Variants in CDH12 observed in about 807,000 individuals in gnomAD.
The protein encoded by CDH12 is cadherin 12.
In CDH12, 41 loss-of-function variants were observed where a neutral mutation model predicts 74.1. That is an observed-to-expected ratio of 0.55 (90% CI 0.43 to 0.72). The LOEUF (loss-of-function observed/expected upper bound fraction) is 0.72, where lower values mean the gene tolerates loss of function less well. CDH12 is among the 30% of genes least tolerant of loss of function. The pLI is 0.00. For synonymous variants in CDH12, 399 were observed against 355.0 expected (o/e 1.12, Z -1.39); for missense variants, 945 against 977.2 (o/e 0.97, Z 0.44).
At chr5:21,805,487 T>C (rs1234801746) in intron 9 of CDH12, among the ~76,000 whole-genome samples, 1 of 152,126 alleles carries the variant, frequency 6.6e-6, no homozygotes, top group Non-Finnish European at 1.5e-5. Context: ...CATACAGATT[T>C]TTTGCAACTG....
At chr5:22,525,240 T>C (rs1337209332) in intron 1 of CDH12, among the ~76,000 whole-genome samples, 4 of 152,132 alleles carry the variant, frequency 2.6e-5, no homozygotes, top group Non-Finnish European at 5.9e-5. Flanking sequence ...TCCAAGTCTT[T>C]GCTATTGTGA....
At chr5:22,596,405 C>T (rs1213022708) in intron 1 of CDH12, among the ~76,000 whole-genome samples, 1 of 152,138 alleles carries the variant, frequency 6.6e-6, no homozygotes, top group Non-Finnish European at 1.5e-5. Flanking sequence ...GGCGCCACTG[C>T]ACTCCAGCCT....
At chr5:22,200,671 A>C (rs1234729179) in intron 4 of CDH12, among the ~76,000 whole-genome samples, 2 of 152,198 alleles carry the variant, frequency 1.3e-5, no homozygotes, top group Non-Finnish European at 2.9e-5. Context: ...ACATTTCATC[A>C]AGGGGACGTA....
intron 6 of CDH12, among the ~76,000 whole-genome samples, chr5:21,925,953 A>G (rs1455270418): frequency 6.7e-6 from 1 of 149,236 alleles, no homozygotes; most frequent in Non-Finnish European, 1.5e-5. Context: ...AAAAAAAAAG[A>G]AATGATTTCT....
At chr5:22,765,350 A>G (rs1225326507) in intron 1 of CDH12, among the ~76,000 whole-genome samples, 1 of 151,982 alleles carries the variant, frequency 6.6e-6, no homozygotes, top group East Asian at 1.9e-4. Flanking sequence ...TGGTTGTAGC[A>G]GATAATGATA....
intron 3 of CDH12, among the ~76,000 whole-genome samples, chr5:22,390,564 G>T (rs1742198185): frequency 7.2e-6 from 1 of 139,182 alleles, no homozygotes; most frequent in East Asian, 2.0e-4. Flanking sequence ...TTGATTACAT[G>T]GATGGATGGA....
intron 3 of CDH12, among the ~76,000 whole-genome samples, chr5:22,357,894 A>G (rs935356103): frequency 2.0e-5 from 3 of 152,198 alleles, no homozygotes; most frequent in African/African-American, 7.2e-5. Flanking sequence ...TTAAAAATGC[A>G]TGATTCCTTG....
intron 3 of CDH12, among the ~76,000 whole-genome samples, chr5:22,278,916 T>A (rs1018055210): frequency 6.6e-6 from 1 of 152,182 alleles, no homozygotes; most frequent in Non-Finnish European, 1.5e-5. Flanking sequence ...ATTCACAAGG[T>A]CTTTGAATAA....
At position 22,670,347 on chromosome 5, in the gene CDH12, C is replaced by T. The variant is rs190844275; in HGVS notation, c.-522-164983G>A. ...GTAGTTCTTTAAAGCCTGTTTTCAT[C>T]GGAATAAGATTTTATGATTACAAAA... On this transcript the variant is annotated intron_variant, in intron 1 of 14. Transcript: ENST00000382254. Among the ~76,000 whole-genome samples, 283 of 152,034 alleles carry T rather than the reference C, an allele frequency of 1.9e-3. 7 individuals carry two copies. The highest frequency in any genetic ancestry group is 0.013 in the Admixed American group (199 of 15,252).
At chr5:22,021,720 A>G (rs1737991673) in intron 5 of CDH12, among the ~76,000 whole-genome samples, 1 of 152,158 alleles carries the variant, frequency 6.6e-6, no homozygotes, top group Admixed American at 6.5e-5. Flanking sequence ...AGTTAATGCT[A>G]ATAGTTGAGT....
chr5:22,099,261 T>G (rs1455791482), intron 4 of CDH12, among the ~76,000 whole-genome samples: 1 of 152,132 alleles, frequency 6.6e-6, no homozygotes, highest in Non-Finnish European at 1.5e-5. Context: ...CAGCCTTTAC[T>G]AGTCGAATCA....
At chr5:22,266,107 C>T (rs1430751055) in intron 3 of CDH12, among the ~76,000 whole-genome samples, 2 of 150,448 alleles carry the variant, frequency 1.3e-5, no homozygotes, top group Non-Finnish European at 3.0e-5. Context: ...CAGAGTTTCG[C>T]TCTTGTCGCT....
chr5:21,836,352 T>C (rs1749534223), intron 8 of CDH12, among the ~76,000 whole-genome samples: 1 of 151,692 alleles, frequency 6.6e-6, no homozygotes, highest in African/African-American at 2.4e-5. Context: ...TGTTGTTGTA[T>C]TTATGAGTAA....
At chr5:22,397,197 T>A (rs1561372365) in intron 3 of CDH12, among the ~76,000 whole-genome samples, 2 of 151,976 alleles carry the variant, frequency 1.3e-5, no homozygotes. Context: ...AAATATTCTC[T>A]CAAATAATCA....
Position 22,287,837 on chromosome 5 carries a change from G to A in CDH12, c.-332-75194C>T, listed in dbSNP as rs143637659. On this transcript the variant is annotated intron_variant, in intron 3 of 14. Coordinates refer to ENST00000382254, the MANE Select transcript of CDH12 (RefSeq NM_004061.5). ...ATTGAAGTTTCAGATTTCTTTTAATGGAATATTCTGAAAAAGACTGTTATC... is the reference window on the plus strand; with the variant it reads ...ATTGAAGTTTCAGATTTCTTTTAATAGAATATTCTGAAAAAGACTGTTATC... Among the ~76,000 whole-genome samples, 272 of 152,034 alleles carry A rather than the reference G, an allele frequency of 1.8e-3. 2 individuals are homozygous for A. Among genetic ancestry groups the A allele is most frequent in the African/African-American group, 6.1e-3 (255 of 41,488 alleles).
At chr5:22,565,392 T>C (rs867159481) in intron 1 of CDH12, among the ~76,000 whole-genome samples, 3 of 152,200 alleles carry the variant, frequency 2.0e-5, no homozygotes, top group South Asian at 2.1e-4. Flanking sequence ...TTTTCTCCTA[T>C]AGCAGACATT....
At chr5:22,394,015 G>C (rs1742353192) in intron 3 of CDH12, among the ~76,000 whole-genome samples, 1 of 152,014 alleles carries the variant, frequency 6.6e-6, no homozygotes, top group Non-Finnish European at 1.5e-5. Context: ...AATTGAGGAA[G>C]TAACTATTAA....
At chr5:22,346,392 A>G (rs965070412) in intron 3 of CDH12, among the ~76,000 whole-genome samples, 1 of 152,188 alleles carries the variant, frequency 6.6e-6, no homozygotes, top group African/African-American at 2.4e-5. Context: ...TCCCCAGATT[A>G]CTATCAATTC....
At chr5:22,020,727 C>T (rs901912469) in intron 5 of CDH12, among the ~76,000 whole-genome samples, 2 of 151,688 alleles carry the variant, frequency 1.3e-5, no homozygotes, top group Non-Finnish European at 2.9e-5. Flanking sequence ...TCTGAGAGGC[C>T]ATCAATTGTA....
Sources: allele counts gnomAD v4.1 joint callset (sites outside exome capture counted in the v4.1 genomes callset), GRCh38; gene constraint gnomAD v4.1.1; transcripts MANE v1.5; gene names NCBI Gene and HGNC (gene_info 2026-07-23, HGNC 2026-07-21).